The following SCGB2B2 variants were observed in gnomAD, a reference collection of about 807,000 sequenced individuals.
SCGB2B2 encodes the protein secretoglobin-like protein.
In SCGB2B2, 11 loss-of-function variants were observed where a neutral mutation model predicts 7.6. The observed-to-expected ratio is 1.45, with a 90% confidence interval of 0.91 to 2.40. SCGB2B2 has a LOEUF of 2.40. Among genes scored for constraint, SCGB2B2 ranks in the 30% most tolerant of loss-of-function variants. The probability of loss-of-function intolerance (pLI) is 0.00; values close to 1 mark genes in which losing one functional copy is unlikely to be tolerated. For synonymous variants in SCGB2B2, 50 were observed against 48.6 expected (o/e 1.03, Z -0.12); for missense variants, 104 against 115.4 (o/e 0.90, Z 0.45).
chr19:34,604,886 TAAG>T (rs1337198913), intron 1 of SCGB2B2, among the ~76,000 whole-genome samples: 7 of 152,230 alleles, frequency 4.6e-5, no homozygotes, highest in African/African-American at 7.2e-5. Flanking sequence ...AAATGACATA[TAAG>T]AAGCATGTAT....
downstream of SCGB2B2, among the ~76,000 whole-genome samples, chr19:34,588,532 A>G (rs1010755776): frequency 1.3e-5 from 2 of 152,184 alleles, no homozygotes; most frequent in African/African-American, 4.8e-5. Flanking sequence ...CCTAACCTGC[A>G]TAGGTTTTTG....
chr19:34,670,997 C>G (rs550485761), intron 1 of SCGB2B2, among the ~76,000 whole-genome samples: 99 of 152,298 alleles, frequency 6.5e-4, no homozygotes, highest in Middle Eastern at 3.4e-3. Flanking sequence ...AATCTTGGCT[C>G]ACTTCAACCT....
At chr19:34,630,514 T>A (rs1409633685) in intron 1 of SCGB2B2, among the ~76,000 whole-genome samples, 1 of 151,806 alleles carries the variant, frequency 6.6e-6, no homozygotes, top group Non-Finnish European at 1.5e-5. Context: ...CATGAAAAAA[T>A]GCTCACCATC....
At chr19:34,617,043 A>G (rs2066103451) in intron 1 of SCGB2B2, among the ~76,000 whole-genome samples, 2 of 152,098 alleles carry the variant, frequency 1.3e-5, no homozygotes, top group African/African-American at 2.4e-5. Context: ...CCATTGATCT[A>G]TATCTCTGTT....
chr19:34,660,721 C>T (rs1223294033), intron 1 of SCGB2B2, among the ~76,000 whole-genome samples: 2 of 152,202 alleles, frequency 1.3e-5, no homozygotes, highest in East Asian at 3.8e-4. Flanking sequence ...TGTGGCGATT[C>T]CTCAAGGATC....
chr19:34,606,914 A>G (rs1437739041), intron 1 of SCGB2B2, among the ~76,000 whole-genome samples: 1 of 152,160 alleles, frequency 6.6e-6, no homozygotes, highest in Non-Finnish European at 1.5e-5. Flanking sequence ...CTGCAGATAA[A>G]GGCGGACTCC....
At chr19:34,653,057 A>G (rs2067200110) in intron 1 of SCGB2B2, among the ~76,000 whole-genome samples, 1 of 151,440 alleles carries the variant, frequency 6.6e-6, no homozygotes, top group Non-Finnish European at 1.5e-5. Flanking sequence ...CATTTGCAGC[A>G]ACATGGATGA....
chr19:34,642,306 C>T (rs984427823), intron 1 of SCGB2B2, among the ~76,000 whole-genome samples: 2 of 152,160 alleles, frequency 1.3e-5, no homozygotes, highest in African/African-American at 2.4e-5. Flanking sequence ...CCTTGTGGGC[C>T]CTAAAACTAA....
intron 1 of SCGB2B2, among the ~76,000 whole-genome samples, chr19:34,631,305 GTT>G (rs1306625388): frequency 1.5e-5 from 2 of 131,640 alleles, no homozygotes; most frequent in South Asian, 2.6e-4. Context: ...AACATTATGA[GTT>G]TTTTTTTTTT....
At chr19:34,670,103 G>T (rs772272985) in intron 1 of SCGB2B2, among the ~76,000 whole-genome samples, 1 of 152,188 alleles carries the variant, frequency 6.6e-6, no homozygotes, top group Non-Finnish European at 1.5e-5. Flanking sequence ...GTTGGATAAA[G>T]AGGTAATCGG....
Position 34,594,611 on chromosome 19 carries a change from G to T in SCGB2B2, c.-48C>A. 1 of 1,502,022 alleles carries T rather than the reference G, an allele frequency of 6.7e-7. No individual in the cohort carries two copies. Among genetic ancestry groups the T allele is most frequent in the Non-Finnish European group, 9.3e-7 (1 of 1,080,386 alleles). 93.0% of individuals were successfully genotyped at this position (1,502,022 alleles called of 1,614,324 possible). Reference sequence around the variant, plus strand: ...AGGCACAGGCAGGGAATTTGGCGATGGGTGAGCTTTATGTATATCTGAACA... The same window carrying T: ...AGGCACAGGCAGGGAATTTGGCGATTGGTGAGCTTTATGTATATCTGAACA... On this transcript the variant is annotated 5_prime_UTR_variant, in exon 2 of 4. Coordinates refer to ENST00000601241, the MANE Select transcript of SCGB2B2 (RefSeq NM_001025591.4).
intron 1 of SCGB2B2, among the ~76,000 whole-genome samples, chr19:34,627,366 C>T (rs1389506527): frequency 6.6e-6 from 1 of 152,182 alleles, no homozygotes; most frequent in African/African-American, 2.4e-5. Context: ...GGAGACCCAT[C>T]TCATGTGCAG....
At chr19:34,657,726 CAGCTCTGCACCA>C (rs2067320130) in intron 1 of SCGB2B2, among the ~76,000 whole-genome samples, 1 of 152,166 alleles carries the variant, frequency 6.6e-6, no homozygotes, top group South Asian at 2.1e-4. Context: ...GACTTGAACT[CAGCTCTGCACCA>C]AGCGGACCTA....
chr19:34,658,813 C>CAAAAAAAAAAAAAAAAAA (rs138363297), intron 1 of SCGB2B2, among the ~76,000 whole-genome samples: 2 of 102,006 alleles, frequency 2.0e-5, no homozygotes, highest in African/African-American at 1.0e-4. Context: ...ACAACAACAA[C>CAAAAAAAAAAAAAAAAAA]AAAAAAAAAA....
At chr19:34,664,471 A>G (rs2067554669) in intron 1 of SCGB2B2, among the ~76,000 whole-genome samples, 1 of 152,188 alleles carries the variant, frequency 6.6e-6, no homozygotes. Flanking sequence ...GGGTGTCACA[A>G]GCAAGTAGGT....
chr19:34,617,728 T>C (rs919579409), intron 1 of SCGB2B2, among the ~76,000 whole-genome samples: 2 of 152,244 alleles, frequency 1.3e-5, no homozygotes, highest in East Asian at 1.9e-4. Flanking sequence ...CTATGTTGAA[T>C]AGGAGTGGTG....
downstream of SCGB2B2, among the ~76,000 whole-genome samples, chr19:34,586,643 A>G (rs566962009): frequency 6.6e-6 from 1 of 152,282 alleles, no homozygotes; most frequent in South Asian, 2.1e-4. Flanking sequence ...GATACTCACT[A>G]TTTTTGATGT....
intron 1 of SCGB2B2, among the ~76,000 whole-genome samples, chr19:34,639,809 C>T (rs1325669741): frequency 6.6e-6 from 1 of 152,170 alleles, no homozygotes; most frequent in African/African-American, 2.4e-5. Context: ...TGAATAGCTT[C>T]CTCTGACAGT....
chr19:34,634,590 ATG>A (rs780925284), intron 1 of SCGB2B2, among the ~76,000 whole-genome samples: 24 of 152,140 alleles, frequency 1.6e-4, no homozygotes, highest in Admixed American at 1.3e-3. Context: ...GTCACCCACT[ATG>A]TGGACCAAGC....
Sources: gnomAD v4.1 joint callset for allele counts (sites outside exome capture counted in the v4.1 genomes callset) on GRCh38, gnomAD v4.1.1 for gene constraint, MANE v1.5 for transcripts, NCBI Gene and HGNC (gene_info 2026-07-23, HGNC 2026-07-21) for gene names.